SUMF1: variants seen among roughly 807,000 people sequenced by gnomAD.
The protein encoded by SUMF1 is sulfatase modifying factor 1.
SUMF1 carries 48 observed loss-of-function variants against 47.6 expected under a neutral mutation model. That is an observed-to-expected ratio of 1.01 (90% CI 0.80 to 1.28). SUMF1 has a LOEUF of 1.28. SUMF1 is among the 50% of genes most tolerant of loss of function. The pLI is 0.00. For synonymous variants in SUMF1, 230 were observed against 192.1 expected, an observed-to-expected ratio of 1.20 and a Z score of -1.63; for missense variants, 571 against 485.4, an observed-to-expected ratio of 1.18 and a Z score of -1.66.
At chr3:4,186,777 G>C (rs1243386566) in intron 8 of SUMF1, among the ~76,000 whole-genome samples, 1 of 152,078 alleles carries the variant, frequency 6.6e-6, no homozygotes, top group African/African-American at 2.4e-5. Context: ...GAAAATGTGA[G>C]AAGTTCAATT....
chr3:4,112,396 T>G (rs1417797795), intron 8 of SUMF1, among the ~76,000 whole-genome samples: 1 of 152,100 alleles, frequency 6.6e-6, no homozygotes, highest in African/African-American at 2.4e-5. Context: ...TCCCTTCCAA[T>G]AAAAGAGTTA....
chr3:4,367,330 C>T (rs182617825), intron 8 of SUMF1, among the ~76,000 whole-genome samples: 1 of 152,196 alleles, frequency 6.6e-6, no homozygotes, highest in East Asian at 1.9e-4. Context: ...AGAGGTGGAG[C>T]CTACAGAGGC....
chr3:4,104,957 C>T (rs1693124483), intron 8 of SUMF1, among the ~76,000 whole-genome samples: 1 of 151,946 alleles, frequency 6.6e-6, no homozygotes, highest in African/African-American at 2.4e-5. Context: ...TCACAATTGC[C>T]AAGATATGGA....
At chr3:4,133,471 T>C (rs1371442750) in intron 8 of SUMF1, among the ~76,000 whole-genome samples, 1 of 152,138 alleles carries the variant, frequency 6.6e-6, no homozygotes, top group Non-Finnish European at 1.5e-5. Context: ...AAAGTATTGG[T>C]CCTCAGTGTG....
intron 4 of SUMF1, 139 bp from the exon 5 acceptor site, chr3:4,418,271 G>T: frequency 7.8e-7 from 1 of 1,288,870 alleles, no homozygotes; most frequent in Non-Finnish European, 1.1e-6. Context: ...TCAAACCCCA[G>T]CCATGCTACA....
At chr3:4,217,936 G>C (rs1162650031) in intron 8 of SUMF1, among the ~76,000 whole-genome samples, 1 of 151,996 alleles carries the variant, frequency 6.6e-6, no homozygotes, top group Non-Finnish European at 1.5e-5. Flanking sequence ...ACGTCCACAA[G>C]TGGATGAGAA....
chr3:4,364,261 C>T (rs1264535213), intron 8 of SUMF1, among the ~76,000 whole-genome samples: 2 of 117,044 alleles, frequency 1.7e-5, no homozygotes, highest in East Asian at 3.1e-4. Flanking sequence ...GGAGGATTCC[C>T]TCTTTTTCTA....
intron 8 of SUMF1, among the ~76,000 whole-genome samples, chr3:4,150,641 T>C (rs1460015783): frequency 6.6e-6 from 1 of 151,424 alleles, no homozygotes; most frequent in African/African-American, 2.5e-5. Context: ...CACTTCATCC[T>C]CCTAAAGTGC....
At chr3:4,211,189 C>CATACATAT (rs1559569866) in intron 8 of SUMF1, among the ~76,000 whole-genome samples, 5 of 61,054 alleles carry the variant, frequency 8.2e-5, no homozygotes, top group African/African-American at 1.4e-4. Flanking sequence ...TATACATATA[C>CATACATAT]ATATACATAC....
intron 8 of SUMF1, among the ~76,000 whole-genome samples, chr3:4,312,094 C>T (rs1698428542): frequency 6.6e-6 from 1 of 151,982 alleles, no homozygotes; most frequent in Non-Finnish European, 1.5e-5. Context: ...AATTTCTTTA[C>T]AAGTGTATAT....
At chr3:4,305,984 C>G (rs1032157583) in intron 8 of SUMF1, among the ~76,000 whole-genome samples, 1 of 152,182 alleles carries the variant, frequency 6.6e-6, no homozygotes, top group Admixed American at 6.5e-5. Flanking sequence ...ATTTAAAAAA[C>G]CACTGTTCTA....
chr3:4,120,559 GA>G (rs1435181148), intron 8 of SUMF1, among the ~76,000 whole-genome samples: 1 of 152,052 alleles, frequency 6.6e-6, no homozygotes, highest in Non-Finnish European at 1.5e-5. Flanking sequence ...TGGCCTCCTG[GA>G]GTCACAATTA....
intron 3 of SUMF1, among the ~76,000 whole-genome samples, chr3:4,430,071 T>G (rs947246320): frequency 6.6e-6 from 1 of 152,172 alleles, no homozygotes; most frequent in Admixed American, 6.5e-5. Flanking sequence ...AAGCGGCAGA[T>G]AGTGGCAGAG....
At chr3:4,131,866 T>C (rs1209757167) in intron 8 of SUMF1, among the ~76,000 whole-genome samples, 2 of 152,146 alleles carry the variant, frequency 1.3e-5, no homozygotes, top group Non-Finnish European at 2.9e-5. Flanking sequence ...ACCTCTGTCA[T>C]TGCCCAGTGG....
intron 9 of SUMF1, among the ~76,000 whole-genome samples, chr3:4,037,047 C>A (rs546871865): frequency 6.6e-6 from 1 of 152,138 alleles, no homozygotes; most frequent in East Asian, 1.9e-4. Flanking sequence ...GGTGTATCAC[C>A]ACAGGAGGAG....
chr3:4,462,838 C>A (rs2125172610), intron 1 of SUMF1, among the ~76,000 whole-genome samples: 1 of 152,320 alleles, frequency 6.6e-6, no homozygotes, highest in South Asian at 2.1e-4. Context: ...CACCCTCCTG[C>A]CTCTACAGAC....
At chr3:4,038,539 G>A (rs575866788) in intron 9 of SUMF1, among the ~76,000 whole-genome samples, 1 of 152,318 alleles carries the variant, frequency 6.6e-6, no homozygotes, top group East Asian at 1.9e-4. Context: ...GTTGCCCAGA[G>A]TGTTCAGCCA....
Position 4,331,346 on chromosome 3 carries a change from T to C in SUMF1, c.1014+44984A>G, listed in dbSNP as rs1212757549. On this transcript the variant is annotated intron_variant and NMD_transcript_variant, in intron 8 of 12. Coordinates refer to the SUMF1 transcript ENST00000448413. ...TCCTACTTCCCTTATACACTTTCGA[T>C]GGAGAATTTTTTCTCTTGTATTTAG... Among the ~76,000 whole-genome samples the C allele has an allele frequency of 3.3e-5, 5 of 152,232 alleles. No individual in the cohort carries two copies. The East Asian group carries it at 7.7e-4, about 23-fold the overall frequency.
At chr3:4,101,387 A>G (rs1390924355) in intron 8 of SUMF1, among the ~76,000 whole-genome samples, 4 of 152,142 alleles carry the variant, frequency 2.6e-5, no homozygotes, top group Non-Finnish European at 5.9e-5. Flanking sequence ...TAAGTAAAAT[A>G]AGTCAGGCAC....
Sources: gnomAD v4.1 joint callset for allele counts (sites outside exome capture counted in the v4.1 genomes callset) on GRCh38, gnomAD v4.1.1 for gene constraint, MANE v1.5 for transcripts, NCBI Gene and HGNC (gene_info 2026-07-23, HGNC 2026-07-21) for gene names.